The following TET3 variants were observed in gnomAD, a reference collection of about 807,000 sequenced individuals.
TET3 encodes the protein tet methylcytosine dioxygenase 3, also known as methylcytosine dioxygenase TET3.
In TET3, 19 loss-of-function variants were observed where a neutral mutation model predicts 141.4. The ratio of observed to expected loss-of-function variants is 0.13; its 90% confidence interval spans 0.09 to 0.20. The LOEUF is 0.20. Among genes scored for constraint, TET3 ranks in the 10% least tolerant of loss-of-function variants. TET3 has a pLI of 1.00. For missense variants in TET3, 1,874 were observed against 2,356.9 expected (o/e 0.80, Z 4.24); for synonymous variants, 1,043 against 980.9 (o/e 1.06, Z -1.18).
At chr2:73,984,503 C>T (rs1475308837), upstream of TET3, among the ~76,000 whole-genome samples, 1 of 151,962 alleles carries the variant, frequency 6.6e-6, no homozygotes, top group African/African-American at 2.4e-5. The surrounding 1 kb of genome is among the most constrained non-coding windows in gnomAD (Gnocchi z 5.6). Flanking sequence ...GGGGCTGTCC[C>T]GGACAGATCT....
rs1684040727 is a variant in TET3 at position 73,986,634 on chromosome 2, C to A, written c.231C>A (p.Asn77Lys). 3.2e-6 allele frequency: 4 copies of A among 1,232,188 alleles called. No individual in the cohort carries two copies. The highest frequency in any genetic ancestry group is 4.0e-6 in the Non-Finnish European group (4 of 987,996). The allele number at this position is 1,232,188 out of a possible 1,614,324, so 76.3% of individuals were successfully genotyped here. ...GTGGCGCTTGCACTAGCTGTACCAA[C>A]CGCCGCACGCACCAGATCTGCAAAC... ...ENCGACTSCT[N>K]RRTHQICKLR... The change falls in exon 2 of 12, where the codon AAC (asparagine) becomes AAA (lysine). Residue 77 changes from asparagine to lysine, a missense_variant. Physicochemically the swap from Asn to Lys is moderately conservative, Grantham distance 94. Around this residue, in one of 10 missense-constraint regions of TET3, gnomAD observed 366 missense variants for 487.0 expected, o/e 0.75. Coordinates refer to ENST00000409262, the MANE Select transcript of TET3 (RefSeq NM_001287491.2).
At chr2:74,058,013 T>G (rs1017941911) in intron 4 of TET3, among the ~76,000 whole-genome samples, 5 of 152,072 alleles carry the variant, frequency 3.3e-5, no homozygotes, top group African/African-American at 9.7e-5. Context: ...TTCAGGGAAG[T>G]TGAAGAAAAC....
intron 10 of TET3, among the ~76,000 whole-genome samples, chr2:74,094,207 G>A (rs911769417): frequency 7.9e-5 from 12 of 152,312 alleles, no homozygotes; most frequent in African/African-American, 2.6e-4. Flanking sequence ...AGGAGGGGAC[G>A]TTTAAGTTGA....
intron 3 of TET3, among the ~76,000 whole-genome samples, chr2:74,030,254 T>C (rs1036520993): frequency 2.9e-4 from 44 of 152,364 alleles, no homozygotes; most frequent in African/African-American, 1.0e-3. Context: ...TTTCACTTTT[T>C]AAAAAAACTA....
intron 4 of TET3, among the ~76,000 whole-genome samples, chr2:74,071,091 C>CCTCTCTTAGCTTG (rs1410111452): frequency 7.2e-5 from 11 of 152,206 alleles, no homozygotes; most frequent in African/African-American, 2.6e-4. Context: ...TGTCGAGGGC[C>CCTCTCTTAGCTTG]CTCTCTTAGC....
chr2:74,133,656 A>G, the TET3 span, among the ~76,000 whole-genome samples: 3 of 152,244 alleles, frequency 2.0e-5, no homozygotes, highest in African/African-American at 7.2e-5. Flanking sequence ...CCTCAGAGCA[A>G]ACAATCCAAG....
intron 5 of TET3, among the ~76,000 whole-genome samples, chr2:74,076,790 C>T (rs1394640165): frequency 3.3e-5 from 5 of 152,084 alleles, no homozygotes; most frequent in African/African-American, 4.8e-5. Context: ...CTTCCTCAAC[C>T]CTTTCTCTTC....
rs377755568 is a variant in TET3, at chr2:74,047,289, G to T, written c.1372G>T (p.Asp458Tyr). The change falls in exon 4 of 12, where the codon GAT becomes TAT. Residue 458 changes from aspartate to tyrosine, a missense_variant. This residue lies in a region of TET3 where 484 missense variants were observed against 462.2 expected (regional missense o/e 1.05). Transcript: ENST00000409262. ...SSWPMPRPSP[D>Y]PMAELEQLLG... is the part of the protein sequence containing the mutation. ...CTGGCCCATGCCTCGCCCAAGCCCC[G>T]ATCCCATGGCTGAACTGGAGCAGTT... The T allele has an allele frequency of 1.2e-6, 2 of 1,613,824 alleles. No homozygotes were observed. The highest frequency in any genetic ancestry group is 1.7e-6 in the Non-Finnish European group (2 of 1,179,900).
chr2:74,100,948 A>T lies in TET3; in HGVS notation c.4160A>T (p.Gln1387Leu), dbSNP rs748544105. ...TCCAGGGACCCCTCCCCCTTTGCCC[A>T]GAGCTCCAACTGCTACAACAGATCC... ...SVSRDPSPFA[Q>L]SSNCYNRSIK... The change falls in exon 12 of 12, where the codon CAG becomes CTG. Residue 1387 changes from glutamine to leucine, a missense_variant. By Grantham distance (113) the Gln-to-Leu change is moderately radical (BLOSUM62 -2). Coordinates refer to ENST00000409262, the MANE Select transcript of TET3 (RefSeq NM_001287491.2). 6.2e-7 allele frequency: 1 copy of T among 1,611,106 alleles called. No homozygotes were observed. Among genetic ancestry groups the T allele is most frequent in the Non-Finnish European group, 8.5e-7 (1 of 1,178,794 alleles).
intron 6 of TET3, among the ~76,000 whole-genome samples, chr2:74,086,987 C>G (rs966327019): frequency 6.6e-6 from 1 of 152,092 alleles, no homozygotes; most frequent in African/African-American, 2.4e-5. Flanking sequence ...TCTCCCCTTT[C>G]CCAGGCCCTC....
At chr2:74,032,415 G>A (rs1686743865) in intron 3 of TET3, among the ~76,000 whole-genome samples, 1 of 82,166 alleles carries the variant, frequency 1.2e-5, no homozygotes, top group African/African-American at 8.4e-5. Context: ...ATGGGGCTTG[G>A]GCGATGGCCC....
At chr2:74,084,406 C>T (rs1255922515) in intron 6 of TET3, among the ~76,000 whole-genome samples, 1 of 151,898 alleles carries the variant, frequency 6.6e-6, no homozygotes, top group Non-Finnish European at 1.5e-5. Flanking sequence ...GCGGGCAGCT[C>T]ACCTGAGATC....
downstream of TET3, among the ~76,000 whole-genome samples, chr2:74,113,026 A>C (rs13020020): frequency 9.0e-4 from 105 of 116,798 alleles, no homozygotes; most frequent in South Asian, 1.8e-3. Context: ...AAAAAAAAAA[A>C]AAAAAAAAAC....
At chr2:74,100,043 C>G (rs1166692279) in intron 11 of TET3, among the ~76,000 whole-genome samples, 1 of 152,180 alleles carries the variant, frequency 6.6e-6, no homozygotes, top group African/African-American at 2.4e-5. Context: ...CTGCAGTGAT[C>G]CCGACTGGGC....
chr2:74,040,492 A>G (rs1052825975), intron 3 of TET3, among the ~76,000 whole-genome samples: 3 of 152,110 alleles, frequency 2.0e-5, no homozygotes, highest in African/African-American at 7.2e-5. Context: ...AAAATAGGAA[A>G]GTTGGGAAAG....
chr2:74,099,147 A>G, intron 10 of TET3, 129 bp from the exon 11 acceptor site: 5 of 811,240 alleles, frequency 6.2e-6, no homozygotes, highest in African/African-American at 5.2e-5. Context: ...AAACTCTTGG[A>G]AGTAGTAGTG....
At chr2:74,112,652 T>C (rs1558809321), downstream of TET3, among the ~76,000 whole-genome samples, 1 of 152,134 alleles carries the variant, frequency 6.6e-6, no homozygotes, top group Non-Finnish European at 1.5e-5. Context: ...ATGAGTGCTT[T>C]GCAAGAAATA....
At chr2:74,011,065 G>A (rs563212350) in intron 3 of TET3, among the ~76,000 whole-genome samples, 243 of 151,810 alleles carry the variant, frequency 1.6e-3, no homozygotes, top group Non-Finnish European at 2.8e-3. Context: ...GAGAAACCCC[G>A]TCTCTACTAA....
intron 3 of TET3, among the ~76,000 whole-genome samples, chr2:74,006,200 G>A (rs1203487253): frequency 6.6e-6 from 1 of 152,184 alleles, no homozygotes; most frequent in African/African-American, 2.4e-5. Flanking sequence ...CTTCTCTCTC[G>A]GGTATGTTTA....
Sources: gnomAD v4.1 joint callset for allele counts (sites outside exome capture counted in the v4.1 genomes callset) on GRCh38, gnomAD v4.1.1 for gene constraint, gnomAD v4.1.1 regional missense constraint, Gnocchi (gnomAD v3.1) non-coding constraint, MANE v1.5 for transcripts, NCBI Gene and HGNC (gene_info 2026-07-23, HGNC 2026-07-21) for gene names.